Variants in RALYL observed in about 807,000 individuals in gnomAD.
The protein encoded by RALYL is RALY RNA binding protein like.
Under a neutral mutation model 35.1 loss-of-function variants are expected in RALYL, and 29 were observed. The observed-to-expected ratio is 0.83, with a 90% confidence interval of 0.61 to 1.13. The LOEUF is 1.13. RALYL is among the 50% of genes most tolerant of loss of function. RALYL has a pLI of 0.00. For missense variants in RALYL, 359 were observed against 360.4 expected (o/e 1.00, Z 0.03); for synonymous variants, 120 against 127.6 (o/e 0.94, Z 0.40).
In RALYL at chr8:84,367,318, ATTTTTTTTTTTTTTTT is replaced by A. The variant is rs56387511; in HGVS notation, c.-23-161945_-23-161930del. ...GCCATCCTGCCCAACTAATTTTTGTATTTTTTTTTTTTTTTTTTTTTTTTTTTTTTTTTTTTTTTTT... is the reference window on the plus strand; with the variant it reads ...GCCATCCTGCCCAACTAATTTTTGTATTTTTTTTTTTTTTTTTTTTTTTTT... On this transcript the variant is annotated intron_variant, in intron 1 of 8. Transcript: ENST00000521268. 2.2e-3 allele frequency among the ~76,000 whole-genome samples: 61 copies of A among 27,404 alleles called. 5 individuals are homozygous for A. Among genetic ancestry groups the A allele is most frequent in the South Asian group, 6.2e-3 (3 of 482 alleles). The allele number at this position is 27,404 out of a possible 152,430, so 18.0% of individuals were successfully genotyped here.
At chr8:84,764,344 C>T (rs538525897) in intron 2 of RALYL, among the ~76,000 whole-genome samples, 2 of 152,062 alleles carry the variant, frequency 1.3e-5, no homozygotes, top group Non-Finnish European at 2.9e-5. Context: ...GTTGTATGTT[C>T]AAATAATTAT....
chr8:84,529,612 G>A (rs1465101258), intron 2 of RALYL, 35 bp downstream of exon 2: 1 of 1,575,432 alleles, frequency 6.3e-7, no homozygotes, highest in Non-Finnish European at 8.7e-7. Context: ...TCACGTTATT[G>A]TTCATATATC....
At chr8:84,806,033 C>A (rs934466907) in intron 4 of RALYL, among the ~76,000 whole-genome samples, 4 of 152,114 alleles carry the variant, frequency 2.6e-5, no homozygotes, top group Non-Finnish European at 5.9e-5. Flanking sequence ...GATCAATTTT[C>A]TTTTATTACT....
At chr8:84,617,386 C>T (rs1052491536) in intron 2 of RALYL, among the ~76,000 whole-genome samples, 1 of 149,198 alleles carries the variant, frequency 6.7e-6, no homozygotes, top group Non-Finnish European at 1.5e-5. Context: ...TGATTTGGCT[C>T]TCTGTTTGTC....
chr8:84,204,140 A>G (rs1301008690), intron 1 of RALYL, among the ~76,000 whole-genome samples: 1 of 152,072 alleles, frequency 6.6e-6, no homozygotes, highest in South Asian at 2.1e-4. Context: ...TAGTTTAAGA[A>G]TTCTGAATAA....
intron 8 of RALYL, among the ~76,000 whole-genome samples, chr8:84,908,641 T>C (rs1846950064): frequency 6.6e-6 from 1 of 152,276 alleles, no homozygotes; most frequent in East Asian, 1.9e-4. Context: ...TTGACTATTG[T>C]GAATAATGCC....
At chr8:84,473,931 C>A (rs1247600077) in intron 1 of RALYL, among the ~76,000 whole-genome samples, 2 of 151,752 alleles carry the variant, frequency 1.3e-5, no homozygotes, top group African/African-American at 4.8e-5. Context: ...TTTTTAAATT[C>A]TTTGTCTCAA....
chr8:84,889,567 G>A (rs985039564), intron 8 of RALYL, among the ~76,000 whole-genome samples: 1 of 152,098 alleles, frequency 6.6e-6, no homozygotes, highest in Non-Finnish European at 1.5e-5. Flanking sequence ...CCTGTCCCAA[G>A]ATGTCTTCAT....
chr8:84,187,488 G>A (rs753491303), intron 1 of RALYL, among the ~76,000 whole-genome samples: 1 of 151,918 alleles, frequency 6.6e-6, no homozygotes, highest in Non-Finnish European at 1.5e-5. Context: ...TAGCCACACC[G>A]TGGTGGTGTA....
At chr8:84,342,236 A>C (rs1264245658) in intron 1 of RALYL, among the ~76,000 whole-genome samples, 1 of 136,426 alleles carries the variant, frequency 7.3e-6, no homozygotes, top group Non-Finnish European at 1.6e-5. Context: ...AAAAATTGTT[A>C]ACAATGCCTT....
rs7836514 is a variant in RALYL, at chr8:84,680,175, T to C, written c.257-94404T>C. 3.8e-3 allele frequency among the ~76,000 whole-genome samples: 574 copies of C among 152,312 alleles called. 6 individuals are homozygous for C. The highest frequency in any genetic ancestry group is 0.013 in the African/African-American group (544 of 41,564). On this transcript the variant is annotated intron_variant, in intron 2 of 8. Coordinates refer to ENST00000521268, the MANE Select transcript of RALYL (RefSeq NM_173848.7). ...TTCATCCATGTCCCTACAAAGGTCATGAACTCATCTTTTTTATGGCTGCAT... is the reference window on the plus strand; with the variant it reads ...TTCATCCATGTCCCTACAAAGGTCACGAACTCATCTTTTTTATGGCTGCAT...
chr8:84,523,400 A>G (rs1427328804), intron 1 of RALYL, among the ~76,000 whole-genome samples: 1 of 152,182 alleles, frequency 6.6e-6, no homozygotes, highest in South Asian at 2.1e-4. Flanking sequence ...GGTCCCTCCC[A>G]TAATACATAC....
intron 2 of RALYL, among the ~76,000 whole-genome samples, chr8:84,766,227 A>C (rs986976419): frequency 2.6e-5 from 4 of 152,208 alleles, no homozygotes; most frequent in African/African-American, 9.6e-5. Flanking sequence ...GGATGCTAAT[A>C]GATATATCGT....
At chr8:84,466,065 A>G (rs1486156010) in intron 1 of RALYL, among the ~76,000 whole-genome samples, 2 of 91,434 alleles carry the variant, frequency 2.2e-5, no homozygotes, top group African/African-American at 4.4e-5. Flanking sequence ...GGTTTTCTAG[A>G]TATACAATCA....
rs1814305429 is a variant in RALYL, at chr8:84,767,207, T to C, written c.257-7372T>C. 2.0e-5 allele frequency among the ~76,000 whole-genome samples: 3 copies of C among 152,214 alleles called. No individual in the cohort carries two copies. In the South Asian group the frequency reaches 6.2e-4, roughly 32 times the overall value. On this transcript the variant is annotated intron_variant, in intron 2 of 8. Coordinates refer to ENST00000521268, the MANE Select transcript of RALYL (RefSeq NM_173848.7). ...CACTTTGGAATAGCACCCGTCTCCA[T>C]TTGCTTCATCTCATTTGCCTCAAGT...
chr8:84,675,745 G>T (rs141565963), intron 2 of RALYL, among the ~76,000 whole-genome samples: 1 of 151,926 alleles, frequency 6.6e-6, no homozygotes, highest in Non-Finnish European at 1.5e-5. Context: ...TCTCCTTGGC[G>T]TTTCACCATA....
At position 84,832,182 on chromosome 8, in the gene RALYL, T is replaced by C. The variant is rs545245071; in HGVS notation, c.366-17798T>C. Among the ~76,000 whole-genome samples, 5 of 152,324 alleles carry C rather than the reference T, an allele frequency of 3.3e-5. No individual in the cohort carries two copies. The East Asian group carries it at 9.6e-4, about 29-fold the overall frequency. On this transcript the variant is annotated intron_variant, in intron 4 of 8. Transcript: ENST00000521268. ...GTCTATTGTGTTTAAGTAGTTTTCT[T>C]ATTACTATTTTACTTTGAATATAAG...
chr8:84,233,768 A>G (rs1563578554), intron 1 of RALYL, among the ~76,000 whole-genome samples: 6 of 152,168 alleles, frequency 3.9e-5, no homozygotes, highest in Admixed American at 2.0e-4. Flanking sequence ...TGATAATGCA[A>G]TAACTTTCTA....
intron 1 of RALYL, among the ~76,000 whole-genome samples, chr8:84,261,972 C>T (rs1832394210): frequency 6.6e-6 from 1 of 152,064 alleles, no homozygotes; most frequent in South Asian, 2.1e-4. Context: ...AGACACTTGA[C>T]AGAGGAAATT....
Sources: allele counts gnomAD v4.1 joint callset (sites outside exome capture counted in the v4.1 genomes callset), GRCh38; gene constraint gnomAD v4.1.1; transcripts MANE v1.5; gene names NCBI Gene and HGNC (gene_info 2026-07-23, HGNC 2026-07-21).